SATB2: variants seen among roughly 807,000 people sequenced by gnomAD.
SATB2 encodes DNA-binding protein SATB2.
SATB2 carries 1 observed loss-of-function variant against 73.4 expected under a neutral mutation model. That is an observed-to-expected ratio of 0.01 (90% CI 0.00 to 0.06). SATB2 has a LOEUF of 0.06. Among genes scored for constraint, SATB2 ranks in the 10% least tolerant of loss-of-function variants. SATB2 has a pLI of 1.00. For synonymous variants in SATB2, 397 were observed against 367.0 expected (o/e 1.08, Z -0.93); for missense variants, 459 against 945.8 (o/e 0.49, Z 6.75).
chr2:199,469,385 T>A (rs902022606), upstream of SATB2, among the ~76,000 whole-genome samples: 1 of 152,110 alleles, frequency 6.6e-6, no homozygotes, highest in Non-Finnish European at 1.5e-5. Context: ...AAGAAGTGGA[T>A]GCCCCTTCGA....
At chr2:199,397,510 A>AT (rs1690336240) in intron 3 of SATB2, 1 of 154,408 alleles carries the variant, frequency 6.5e-6, no homozygotes, top group East Asian at 1.9e-4. Context: ...GTATCAGATA[A>AT]TTTTTTAAAA....
chr2:199,430,741 T>C (rs192407491), intron 3 of SATB2, among the ~76,000 whole-genome samples: 1 of 152,318 alleles, frequency 6.6e-6, no homozygotes, highest in East Asian at 1.9e-4. Context: ...AGAAACTGAC[T>C]ATCCTATGTT....
At chr2:199,427,848 T>C (rs1691382933) in intron 3 of SATB2, among the ~76,000 whole-genome samples, 1 of 152,148 alleles carries the variant, frequency 6.6e-6, no homozygotes, top group Admixed American at 6.5e-5. Context: ...GAAAGTAGCC[T>C]CTATGTAAAG....
chr2:199,451,755 C>T (rs938264223), intron 2 of SATB2, among the ~76,000 whole-genome samples: 2 of 152,102 alleles, frequency 1.3e-5, no homozygotes, highest in Admixed American at 6.5e-5. Context: ...ATTAAACTAA[C>T]TGTTGTTGTA....
chr2:199,335,983 TC>T (rs1688324454), intron 7 of SATB2, among the ~76,000 whole-genome samples: 1 of 152,184 alleles, frequency 6.6e-6, no homozygotes, highest in Non-Finnish European at 1.5e-5. Context: ...CAGTCTGTGT[TC>T]CCTTAACTGC....
chr2:199,353,035 A>C (rs1456667437), intron 6 of SATB2, among the ~76,000 whole-genome samples: 1 of 152,166 alleles, frequency 6.6e-6, no homozygotes, highest in African/African-American at 2.4e-5. Flanking sequence ...AAAAAGAAAA[A>C]AAATTATCAT....
At chr2:199,363,269 T>C (rs1390709048) in intron 6 of SATB2, among the ~76,000 whole-genome samples, 2 of 152,176 alleles carry the variant, frequency 1.3e-5, no homozygotes, top group Non-Finnish European at 2.9e-5. Flanking sequence ...CTCCTATATG[T>C]TGAAAAACTG....
In SATB2 at chr2:199,271,838, T is replaced by A. The variant is rs1559135477; in HGVS notation, c.*373A>T. ...CACACTTGTAGCTTCCTTCATTTAT[T>A]TCATAGTTCTTTTCATCCTGGTACT... On this transcript the variant is annotated 3_prime_UTR_variant, in exon 11 of 11. Coordinates refer to ENST00000417098, the MANE Select transcript of SATB2 (RefSeq NM_001172509.2). The A allele has an allele frequency of 6.4e-6, 2 of 314,846 alleles. No homozygotes were observed. The highest frequency in any genetic ancestry group is 1.2e-5 in the Non-Finnish European group (2 of 164,094). The allele number at this position is 314,846 out of a possible 1,614,324, so 19.5% of individuals were successfully genotyped here. A position where few individuals can be genotyped will look rare whatever the true frequency, so the allele number is the denominator to read the frequency against.
chr2:199,297,122 A>AT lies in SATB2; in HGVS notation c.1740+11637dup, dbSNP rs1285722048. 2.6e-5 allele frequency among the ~76,000 whole-genome samples: 4 copies of AT among 152,238 alleles called. No individual in the cohort carries two copies. In the East Asian group the frequency reaches 7.7e-4, roughly 29 times the overall value. ...GTTTCTATTATATAAGAAAGATACG[A>AT]TTTTTTAAAATTAAAATTAAATGGT... On this transcript the variant is annotated intron_variant, in intron 10 of 10. Transcript: ENST00000417098.
intron 3 of SATB2, among the ~76,000 whole-genome samples, chr2:199,385,896 T>C (rs1014848134): frequency 1.3e-5 from 2 of 152,140 alleles, no homozygotes; most frequent in Non-Finnish European, 2.9e-5. Context: ...AGTCTTTCCA[T>C]GTGTCCATTT....
chr2:199,366,525 T>C (rs1384736667), intron 6 of SATB2, among the ~76,000 whole-genome samples: 1 of 152,072 alleles, frequency 6.6e-6, no homozygotes, highest in Non-Finnish European at 1.5e-5. Context: ...AATTCTTTGT[T>C]TTTCCTCCCA....
intron 2 of SATB2, among the ~76,000 whole-genome samples, chr2:199,441,906 G>A (rs1691827138): frequency 6.6e-6 from 1 of 152,132 alleles, no homozygotes; most frequent in East Asian, 1.9e-4. Flanking sequence ...GCAATTTGTG[G>A]CAGCTTATCT....
chr2:199,324,910 C>A (rs1278620357), intron 8 of SATB2, among the ~76,000 whole-genome samples: 2 of 152,098 alleles, frequency 1.3e-5, no homozygotes, highest in Non-Finnish European at 2.9e-5. Context: ...TTCTCTTTGT[C>A]CCCATTCACC....
chr2:199,366,511 C>T (rs1025568605), intron 6 of SATB2, among the ~76,000 whole-genome samples: 3 of 152,072 alleles, frequency 2.0e-5, no homozygotes, highest in African/African-American at 7.2e-5. Context: ...TTATACCTGT[C>T]ATGAATTCTT....
intron 9 of SATB2, among the ~76,000 whole-genome samples, chr2:199,316,246 T>G (rs1430815732): frequency 6.6e-6 from 1 of 152,050 alleles, no homozygotes; most frequent in Non-Finnish European, 1.5e-5. Flanking sequence ...GAATTCTCTT[T>G]TCATGAATCC....
intron 3 of SATB2, among the ~76,000 whole-genome samples, chr2:199,407,517 AAACCTCTAACTTTG>A (rs1349430718): frequency 6.6e-5 from 10 of 152,174 alleles, no homozygotes; most frequent in Non-Finnish European, 8.8e-5. Flanking sequence ...AAGATAAGTG[AAACCTCTAACTTTG>A]ACAAAGTTAT....
At chr2:199,461,790 G>A (rs927381652), upstream of SATB2, among the ~76,000 whole-genome samples, 8 of 152,170 alleles carry the variant, frequency 5.3e-5, no homozygotes, top group African/African-American at 1.9e-4. Context: ...TAGTGTTAAA[G>A]GTGTATGGTT....
At position 199,270,277 on chromosome 2, in the gene SATB2, G is replaced by T. The variant is rs1206605625; in HGVS notation, c.*1934C>A. ...AAATGTCCCTTTAAAAACTCCAGAG[G>T]TTACTGAGCAGCTAGAATTAGCTTG... is the stretch of plus-strand genomic sequence containing the variant. On this transcript the variant is annotated 3_prime_UTR_variant, in exon 11 of 11. Coordinates refer to ENST00000417098, the MANE Select transcript of SATB2 (RefSeq NM_001172509.2). 6.6e-6 allele frequency: 1 copy of T among 152,574 alleles called. No homozygotes were observed. The highest frequency in any genetic ancestry group is 1.5e-5 in the Non-Finnish European group (1 of 67,986). The allele number at this position is 152,574 out of a possible 1,614,324, so 9.5% of individuals were successfully genotyped here.
In SATB2 at chr2:199,382,975, A is replaced by G. The variant is rs552817698; in HGVS notation, c.347-1155T>C. Among the ~76,000 whole-genome samples the G allele has an allele frequency of 3.9e-5, 6 of 152,354 alleles. No individual in the cohort carries two copies. In the South Asian group the frequency reaches 1.0e-3, roughly 26 times the overall value. ...CCTCACAAAATGACAGCTATGGGGC[A>G]AAATTCCAGCAATAGGAAATGGACT... On this transcript the variant is annotated intron_variant, in intron 3 of 10. Coordinates refer to ENST00000417098, the MANE Select transcript of SATB2 (RefSeq NM_001172509.2).
Sources: allele counts gnomAD v4.1 joint callset (sites outside exome capture counted in the v4.1 genomes callset), GRCh38; gene constraint gnomAD v4.1.1; transcripts MANE v1.5; gene names NCBI Gene and HGNC (gene_info 2026-07-23, HGNC 2026-07-21).